P3H2: variants seen among roughly 807,000 people sequenced by gnomAD.
P3H2 encodes leprecan-like 1.
A neutral mutation model predicts 87.0 loss-of-function variants in P3H2; 80 were observed. The ratio of observed to expected loss-of-function variants is 0.92; its 90% CI spans 0.77 to 1.11. The LOEUF is 1.11. Among genes scored for constraint, P3H2 ranks in the 50% least tolerant of loss-of-function variants. The pLI, the probability that P3H2 is intolerant of heterozygous loss-of-function variation, is 0.00. For synonymous variants in P3H2, 367 were observed against 359.3 expected, an observed-to-expected ratio of 1.02 and a Z score of -0.24; for missense variants, 1,001 against 923.9, an observed-to-expected ratio of 1.08 and a Z score of -1.08.
At chr3:190,005,397 T>C (rs147490896) in intron 1 of P3H2, among the ~76,000 whole-genome samples, 117 of 152,346 alleles carry the variant, frequency 7.7e-4, no homozygotes, top group African/African-American at 2.7e-3. Flanking sequence ...CTGTTTTAAA[T>C]TGTAACAATG....
intron 1 of P3H2, among the ~76,000 whole-genome samples, chr3:190,106,301 G>A (rs1577326751): frequency 6.6e-6 from 1 of 152,170 alleles, no homozygotes; most frequent in African/African-American, 2.4e-5. Flanking sequence ...GATGATTTTT[G>A]TTTTATCTTG....
intron 10 of P3H2, chr3:189,973,257 A>G (rs1723232312): frequency 1.1e-5 from 6 of 524,708 alleles, no homozygotes; most frequent in Non-Finnish European, 3.4e-6. Context: ...TTCTATTATA[A>G]TATGTTCTAC....
At chr3:190,010,536 A>G (rs1031978301) in intron 1 of P3H2, among the ~76,000 whole-genome samples, 1 of 141,214 alleles carries the variant, frequency 7.1e-6, no homozygotes, top group African/African-American at 3.1e-5. Flanking sequence ...GAGAGACACC[A>G]GGAGAACGAG....
Position 190,044,491 on chromosome 3 carries a change from C to T in P3H2, c.481-49049G>A, listed in dbSNP as rs138845781. ...TCTGACATCTGCCTCGCTTGTGGTC[C>T]CCAGTAAGAATTCTCGACATTGATA... On this transcript the variant is annotated intron_variant, in intron 1 of 14. Coordinates refer to ENST00000319332, the MANE Select transcript of P3H2 (RefSeq NM_018192.4). Among the ~76,000 whole-genome samples, 3 of 152,256 alleles carry T rather than the reference C, an allele frequency of 2.0e-5. No individual in the cohort carries two copies. The East Asian group carries it at 5.8e-4, about 29-fold the overall frequency.
intron 1 of P3H2, among the ~76,000 whole-genome samples, chr3:190,000,207 T>C (rs1724167550): frequency 6.6e-6 from 1 of 152,238 alleles, no homozygotes; most frequent in South Asian, 2.1e-4. Context: ...TCTGCCATTA[T>C]ACCAACTCTT....
chr3:189,995,547 G>T, intron 1 of P3H2, 105 bp from the exon 2 acceptor site: 3 of 1,086,746 alleles, frequency 2.8e-6, no homozygotes, highest in East Asian at 2.8e-5. Context: ...AATGAAACTA[G>T]GAGCCTTGGT....
chr3:190,104,110 T>C (rs561242846), intron 1 of P3H2, among the ~76,000 whole-genome samples: 1 of 152,252 alleles, frequency 6.6e-6, no homozygotes, highest in Admixed American at 6.5e-5. Context: ...CTTTTTGTGG[T>C]AAAGTATTGG....
intron 1 of P3H2, among the ~76,000 whole-genome samples, chr3:190,074,609 A>C (rs1364891340): frequency 6.6e-6 from 1 of 152,204 alleles, no homozygotes; most frequent in Non-Finnish European, 1.5e-5. Context: ...ATTTATCATA[A>C]CACAATGTAA....
chr3:190,029,130 C>T (rs1725176815), intron 1 of P3H2, among the ~76,000 whole-genome samples: 1 of 152,218 alleles, frequency 6.6e-6, no homozygotes. Context: ...CTTAAGAGTT[C>T]GAGTGGGGGT....
intron 1 of P3H2, among the ~76,000 whole-genome samples, chr3:190,033,573 C>G (rs1239471987): frequency 6.6e-6 from 1 of 151,992 alleles, no homozygotes; most frequent in Non-Finnish European, 1.5e-5. Flanking sequence ...ATGTCTATTT[C>G]TTTATGAGCT....
intron 1 of P3H2, among the ~76,000 whole-genome samples, chr3:190,024,350 A>G (rs948123135): frequency 1.3e-5 from 2 of 152,006 alleles, no homozygotes; most frequent in Non-Finnish European, 2.9e-5. Flanking sequence ...CAGCGTGTCC[A>G]ATATGGTGAA....
chr3:190,054,548 T>C (rs1427493842), intron 1 of P3H2, among the ~76,000 whole-genome samples: 1 of 152,182 alleles, frequency 6.6e-6, no homozygotes, highest in Admixed American at 6.5e-5. Context: ...TGCTCAGTCA[T>C]GAAGCTTTGA....
intron 1 of P3H2, among the ~76,000 whole-genome samples, chr3:190,067,967 T>C (rs1024413893): frequency 3.9e-5 from 6 of 152,096 alleles, no homozygotes; most frequent in African/African-American, 1.4e-4. Context: ...AAAATTAGGC[T>C]TCATCCACAA....
intron 1 of P3H2, among the ~76,000 whole-genome samples, chr3:189,999,542 G>T (rs1306398527): frequency 9.2e-5 from 14 of 152,136 alleles, no homozygotes; most frequent in Admixed American, 9.2e-4. Flanking sequence ...TTATTACAAG[G>T]CATAGTCAGT....
At chr3:190,041,816 G>A (rs1310377020) in intron 1 of P3H2, among the ~76,000 whole-genome samples, 2 of 151,992 alleles carry the variant, frequency 1.3e-5, no homozygotes, top group Non-Finnish European at 2.9e-5. Context: ...GCTGTGAACA[G>A]AACTTAAAAA....
chr3:190,016,070 C>CT (rs980877305), intron 1 of P3H2, among the ~76,000 whole-genome samples: 1 of 152,170 alleles, frequency 6.6e-6, no homozygotes, highest in Non-Finnish European at 1.5e-5. Context: ...TGTTTTGCCT[C>CT]TTTATTATCT....
chr3:190,031,385 C>G (rs1725246209), intron 1 of P3H2, among the ~76,000 whole-genome samples: 1 of 143,808 alleles, frequency 7.0e-6, no homozygotes, highest in Non-Finnish European at 1.5e-5. Flanking sequence ...TGCCTGTAAT[C>G]CCAGCACTTT....
chr3:190,039,727 C>T (rs1054763714), intron 1 of P3H2, among the ~76,000 whole-genome samples: 3 of 152,112 alleles, frequency 2.0e-5, no homozygotes, highest in Non-Finnish European at 4.4e-5. Flanking sequence ...GTTTCCAGAA[C>T]GCATGAGGAC....
intron 1 of P3H2, among the ~76,000 whole-genome samples, chr3:190,006,353 C>T (rs1010526966): frequency 1.3e-5 from 2 of 152,192 alleles, no homozygotes; most frequent in Non-Finnish European, 2.9e-5. Context: ...TAGAAGCTAC[C>T]TCTTCGATTA....
Sources: gnomAD v4.1 joint callset for allele counts (sites outside exome capture counted in the v4.1 genomes callset) on GRCh38, gnomAD v4.1.1 for gene constraint, MANE v1.5 for transcripts, NCBI Gene and HGNC (gene_info 2026-07-23, HGNC 2026-07-21) for gene names.